SCN8A: variants seen among roughly 807,000 people sequenced by gnomAD.
SCN8A encodes the protein sodium voltage-gated channel alpha subunit 8, also known as sodium channel protein type 8 subunit alpha.
In SCN8A, 30 loss-of-function variants were observed where a neutral mutation model predicts 184.1. The ratio of observed to expected loss-of-function variants is 0.16; its 90% CI spans 0.12 to 0.22. The LOEUF (loss-of-function observed/expected upper bound fraction) is 0.22, where lower values mean the gene tolerates loss of function less well. Ranked by LOEUF, SCN8A falls within the 10% of genes least tolerant of loss-of-function variation. SCN8A has a pLI of 1.00. For synonymous variants in SCN8A, 852 were observed against 907.0 expected (o/e 0.94, Z 1.09); for missense variants, 1,057 against 2,498.9 (o/e 0.42, Z 12.30).
At chr12:51,731,567 T>C (rs1203338437) in intron 12 of SCN8A, among the ~76,000 whole-genome samples, 1 of 152,198 alleles carries the variant, frequency 6.6e-6, no homozygotes, top group African/African-American at 2.4e-5. Context: ...ATTGATTTCT[T>C]TTCTTTTGGG....
intron 15 of SCN8A, among the ~76,000 whole-genome samples, chr12:51,764,404 G>T (rs909958278): frequency 6.6e-6 from 1 of 152,174 alleles, no homozygotes; most frequent in Non-Finnish European, 1.5e-5. Flanking sequence ...GGAGGCCAAG[G>T]CGGGCGCATC....
chr12:51,722,206 A>C, intron 12 of SCN8A: 6 of 509,776 alleles, frequency 1.2e-5, no homozygotes, highest in Non-Finnish European at 1.4e-5. Flanking sequence ...CTTCTCCCCT[A>C]TCAACTCCTT....
chr12:51,681,270 C>T (rs1339725229), intron 2 of SCN8A, among the ~76,000 whole-genome samples: 2 of 152,174 alleles, frequency 1.3e-5, no homozygotes, highest in Non-Finnish European at 2.9e-5. Flanking sequence ...ACAGTGGAAG[C>T]TGTTGAGAGG....
chr12:51,613,057 A>T (rs184473052), intron 1 of SCN8A, among the ~76,000 whole-genome samples: 2 of 152,200 alleles, frequency 1.3e-5, no homozygotes, highest in East Asian at 3.9e-4. Context: ...GTTTTGCATT[A>T]TCTGTGTTCA....
chr12:51,797,114 C>G (rs750170245), intron 26 of SCN8A, among the ~76,000 whole-genome samples: 5 of 152,196 alleles, frequency 3.3e-5, no homozygotes, highest in Non-Finnish European at 7.3e-5. Context: ...TTAACCATTA[C>G]AAGTCCACCC....
intron 1 of SCN8A, among the ~76,000 whole-genome samples, chr12:51,612,229 G>A (rs752305567): frequency 9.2e-4 from 140 of 152,166 alleles, no homozygotes; most frequent in Non-Finnish European, 3.4e-4. Context: ...TGGCGCGAAC[G>A]CAGCTCACTG....
intron 12 of SCN8A, among the ~76,000 whole-genome samples, chr12:51,739,568 G>A (rs535577104): frequency 1.8e-4 from 28 of 152,190 alleles, no homozygotes; most frequent in Non-Finnish European, 7.4e-5. Context: ...GTGTGAAAAA[G>A]TTCTAAGGTG....
intron 19 of SCN8A, among the ~76,000 whole-genome samples, chr12:51,773,291 A>G (rs1263616507): frequency 1.3e-5 from 2 of 152,158 alleles, no homozygotes; most frequent in Non-Finnish European, 2.9e-5. Flanking sequence ...TGCTTTAGCA[A>G]TTCCCTCCTC....
chr12:51,681,321 C>A lies in SCN8A; in HGVS notation c.277-2853C>A, dbSNP rs187888990. On this transcript the variant is annotated intron_variant, in intron 2 of 26. Coordinates refer to ENST00000627620, the MANE Select transcript of SCN8A (RefSeq NM_001330260.2). ...AACATGCTGCTCTTTGCTGCGTGAC[C>A]TTTGATAGGTGGTGTTCCTCTCCTG... 1.6e-3 allele frequency among the ~76,000 whole-genome samples: 246 copies of A among 152,282 alleles called. 1 individual carries two copies. Among genetic ancestry groups the A allele is most frequent in the African/African-American group, 5.5e-3 (229 of 41,572 alleles).
At chr12:51,614,743 G>A (rs991306225) in intron 1 of SCN8A, among the ~76,000 whole-genome samples, 4 of 147,078 alleles carry the variant, frequency 2.7e-5, no homozygotes, top group Non-Finnish European at 6.0e-5. Context: ...TACATTTATC[G>A]TATTTAATGT....
At chr12:51,726,504 A>G (rs1942157351) in intron 12 of SCN8A, among the ~76,000 whole-genome samples, 1 of 152,184 alleles carries the variant, frequency 6.6e-6, no homozygotes, top group Non-Finnish European at 1.5e-5. Context: ...CTAACTCCTA[A>G]GCTTTTACCA....
Position 51,723,210 on chromosome 12 carries a change from A to T in SCN8A, c.1998+1302A>T, listed in dbSNP as rs965857992. 6 of 152,262 alleles carry T rather than the reference A, an allele frequency of 3.9e-5. No individual in the cohort carries two copies. In the East Asian group the frequency reaches 1.2e-3, roughly 29 times the overall value. 9.4% of individuals were successfully genotyped at this position (152,262 alleles called of 1,614,324 possible). A position where few individuals can be genotyped will look rare whatever the true frequency, so the allele number is the denominator to read the frequency against. On this transcript the variant is annotated intron_variant, in intron 12 of 26. Transcript: ENST00000627620. ...ATTTAAAAGCAAAATACAGCCGGGC[A>T]CAGTGGCTCGCACCTGTAATCCCAG... is the stretch of plus-strand genomic sequence containing the variant.
chr12:51,618,212 T>A (rs1939882445), intron 1 of SCN8A, among the ~76,000 whole-genome samples: 1 of 152,112 alleles, frequency 6.6e-6, no homozygotes, highest in Non-Finnish European at 1.5e-5. Flanking sequence ...CCAGCTTCCC[T>A]GGTCAGGGAA....
intron 6 of SCN8A, among the ~76,000 whole-genome samples, chr12:51,691,125 C>A (rs1941498932): frequency 6.6e-6 from 1 of 151,042 alleles, no homozygotes; most frequent in African/African-American, 2.4e-5. Flanking sequence ...CCTATGGTGT[C>A]TCTCCTCCTC....
rs11836176 is a variant in SCN8A, at chr12:51,707,516, G to A, written c.1635+801G>A. On this transcript the variant is annotated intron_variant, in intron 11 of 26. Coordinates refer to ENST00000627620, the MANE Select transcript of SCN8A (RefSeq NM_001330260.2). ...GGCTAGGCCAGTCTCGCCTTTTTAC[G>A]TTTTTCTGCCCGCTTTATTTTCACT... is the stretch of plus-strand genomic sequence containing the variant. Among the ~76,000 whole-genome samples, 976 of 152,078 alleles carry A rather than the reference G, an allele frequency of 6.4e-3. 9 individuals are homozygous for A. The highest frequency in any genetic ancestry group is 0.022 in the African/African-American group (932 of 41,454).
intron 19 of SCN8A, among the ~76,000 whole-genome samples, chr12:51,771,187 T>C (rs182765249): frequency 1.2e-3 from 186 of 152,330 alleles, no homozygotes; most frequent in African/African-American, 4.3e-3. Context: ...ACACACAGGC[T>C]CCTCCACTGC....
intron 2 of SCN8A, among the ~76,000 whole-genome samples, chr12:51,678,066 G>A (rs916308814): frequency 2.6e-5 from 4 of 152,278 alleles, no homozygotes; most frequent in African/African-American, 9.6e-5. Context: ...GAGGACAAAT[G>A]TCCTTTTCTG....
At position 51,689,113 on chromosome 12, in the gene SCN8A, A is replaced by G. The variant is rs756313977; in HGVS notation, c.706+17A>G. ...TAATTCCAGGTGAGAAAATTTGTACATAAGACTGACTTTGCCACATCTCCT... is the reference window on the plus strand; with the variant it reads ...TAATTCCAGGTGAGAAAATTTGTACGTAAGACTGACTTTGCCACATCTCCT... On this transcript the variant is annotated intron_variant, in intron 6 of 26. Transcript: ENST00000627620. 3 of 1,573,446 alleles carry G rather than the reference A, an allele frequency of 1.9e-6. No homozygotes were observed. Among genetic ancestry groups the G allele is most frequent in the Non-Finnish European group, 2.6e-6 (3 of 1,151,966 alleles).
At chr12:51,600,384 A>G (rs975478320) in intron 1 of SCN8A, among the ~76,000 whole-genome samples, 20 of 152,186 alleles carry the variant, frequency 1.3e-4, no homozygotes, top group African/African-American at 4.6e-4. Context: ...TTTATATCCC[A>G]TGTGCTTCAT....
Sources: gnomAD v4.1 joint callset for allele counts (sites outside exome capture counted in the v4.1 genomes callset) on GRCh38, gnomAD v4.1.1 for gene constraint, MANE v1.5 for transcripts, NCBI Gene and HGNC (gene_info 2026-07-23, HGNC 2026-07-21) for gene names.